The following USP7 variants were observed in gnomAD, a reference collection of about 807,000 sequenced individuals.
The protein encoded by USP7 is ubiquitin C-terminal hydrolase 7.
In USP7, 9 loss-of-function variants were observed where a neutral mutation model predicts 162.9. That is an observed-to-expected ratio of 0.06 (90% CI 0.03 to 0.10). The LOEUF is 0.10. USP7 is among the 10% of genes least tolerant of loss of function. The pLI is 1.00. For missense variants in USP7, 715 were observed against 1,373.7 expected, an observed-to-expected ratio of 0.52 and a Z score of 7.58; for synonymous variants, 562 against 475.9, an observed-to-expected ratio of 1.18 and a Z score of -2.35.
chr16:8,957,956 C>T (rs945350612), intron 1 of USP7, among the ~76,000 whole-genome samples: 6 of 152,126 alleles, frequency 3.9e-5, no homozygotes, highest in African/African-American at 1.4e-4. Flanking sequence ...TGAATGAGCA[C>T]CTATCAAAGC....
At chr16:8,930,998 T>C (rs1898298629) in intron 1 of USP7, among the ~76,000 whole-genome samples, 1 of 151,330 alleles carries the variant, frequency 6.6e-6, no homozygotes, top group Non-Finnish European at 1.5e-5. Flanking sequence ...AATCCTTAGG[T>C]AGTTCTTACT....
intron 2 of USP7, among the ~76,000 whole-genome samples, chr16:8,928,715 T>C (rs900001713): frequency 2.6e-5 from 4 of 152,172 alleles, no homozygotes; most frequent in Non-Finnish European, 4.4e-5. Context: ...TTACTCAACC[T>C]TCTCGGATTA....
intron 1 of USP7, among the ~76,000 whole-genome samples, chr16:8,937,013 C>G (rs1260951612): frequency 1.3e-5 from 2 of 152,054 alleles, no homozygotes; most frequent in Non-Finnish European, 2.9e-5. Flanking sequence ...TTCTGTACAT[C>G]TAGAATTACT....
intron 1 of USP7, among the ~76,000 whole-genome samples, chr16:8,945,871 C>A (rs1394558851): frequency 6.6e-6 from 1 of 151,296 alleles, no homozygotes; most frequent in African/African-American, 2.4e-5. Context: ...GGCAACATAG[C>A]GAGACCCCAC....
intron 10 of USP7, among the ~76,000 whole-genome samples, chr16:8,912,338 G>A (rs1022493473): frequency 6.6e-6 from 1 of 151,804 alleles, no homozygotes; most frequent in Non-Finnish European, 1.5e-5. Flanking sequence ...TGTAATCCCA[G>A]CTACTCAGGA....
chr16:8,923,503 T>C, intron 2 of USP7, 90 bp from the exon 3 acceptor site: 2 of 1,379,012 alleles, frequency 1.5e-6, no homozygotes, highest in Non-Finnish European at 9.9e-7. Flanking sequence ...GTTCTATACA[T>C]CCTGATTTAA....
At chr16:8,935,285 C>T (rs921729726) in intron 1 of USP7, among the ~76,000 whole-genome samples, 1 of 151,042 alleles carries the variant, frequency 6.6e-6, no homozygotes, top group African/African-American at 2.4e-5. Context: ...ACTGGAAACT[C>T]CTGGGTTAGA....
intron 8 of USP7, among the ~76,000 whole-genome samples, 169 bp downstream of exon 8, chr16:8,916,333 T>C (rs1897366593): frequency 1.3e-5 from 2 of 152,232 alleles, no homozygotes; most frequent in Non-Finnish European, 2.9e-5. Context: ...CAAGTAATTC[T>C]TACCAGCCTT....
intron 18 of USP7, 43 bp downstream of exon 18, chr16:8,902,039 C>T (rs764768299): frequency 2.1e-5 from 32 of 1,513,834 alleles, no homozygotes; most frequent in South Asian, 9.1e-5. Flanking sequence ...AGGAATCCAA[C>T]GCTACTGCTC....
At chr16:8,906,375 T>C in intron 13 of USP7, 51 bp downstream of exon 13, 4 of 1,585,316 alleles carry the variant, frequency 2.5e-6, no homozygotes, top group Non-Finnish European at 3.4e-6. Flanking sequence ...AAGCAGAGCT[T>C]GTGTTAACTT....
At chr16:8,954,432 CAT>C (rs989260920) in intron 1 of USP7, among the ~76,000 whole-genome samples, 2 of 152,210 alleles carry the variant, frequency 1.3e-5, no homozygotes, top group African/African-American at 2.4e-5. Flanking sequence ...TCAAACTCAT[CAT>C]ATGAGGCGTG....
intron 1 of USP7, among the ~76,000 whole-genome samples, chr16:8,940,338 G>A (rs933549587): frequency 1.3e-5 from 2 of 152,170 alleles, no homozygotes; most frequent in African/African-American, 2.4e-5. Flanking sequence ...CCAGAACACC[G>A]CCAAATGCTC....
Position 8,893,823 on chromosome 16 carries a change from A to T in USP7, c.*175T>A. The T allele has an allele frequency of 3.3e-6, 2 of 598,252 alleles. No homozygotes were observed. The highest frequency in any genetic ancestry group is 4.1e-5 in the South Asian group (2 of 49,156). The allele number at this position is 598,252 out of a possible 1,614,324, so 37.1% of individuals were successfully genotyped here. ...AAAAACATCTTCATTTTGCTCAAAA[A>T]GGGCAGTCAATAGATACAGAGAAGC... On this transcript the variant is annotated 3_prime_UTR_variant, in exon 31 of 31. Transcript: ENST00000344836.
At position 8,895,156 on chromosome 16, in the gene USP7, G is replaced by C. The variant is rs747177803; in HGVS notation, c.2920-6C>G. ...ACCTGGTCCAAAGGGATTTCCTGGGGACACGGACAACAGACACAGTTCTGT... is the reference window on the plus strand; with the variant it reads ...ACCTGGTCCAAAGGGATTTCCTGGGCACACGGACAACAGACACAGTTCTGT... On this transcript the variant is annotated splice_polypyrimidine_tract_variant and splice_region_variant and intron_variant, in intron 27 of 30. Coordinates refer to ENST00000344836, the MANE Select transcript of USP7 (RefSeq NM_003470.3). 8.1e-6 allele frequency: 13 copies of C among 1,614,210 alleles called. 1 individual carries two copies. The South Asian group carries it at 1.4e-4, about 18-fold the overall frequency.
chr16:8,901,839 C>G (rs1262365315), intron 18 of USP7: 11 of 533,696 alleles, frequency 2.1e-5, no homozygotes, highest in Non-Finnish European at 2.7e-5. Flanking sequence ...CACAGCACAG[C>G]AGCTGAGACT....
Position 8,903,396 on chromosome 16 carries a change from C to G in USP7, c.1711G>C (p.Ala571Pro). The part of the protein sequence containing the change: ...AHLYMQVQIV[A>P]EDQFCGHQGN... ...TGGTGGCCACAAAACTGGTCCTCTG[C>G]GACTATCTGAAAATATGTATGAAAG... is the stretch of plus-strand genomic sequence containing the variant. Residue 571 changes from alanine (A) to proline (P), a missense_variant, in exon 16 of 31, where the codon GCA becomes CCA. Around this residue, in one of 11 missense-constraint regions of USP7, gnomAD observed 197 missense variants for 306.5 expected, o/e 0.64. Transcript: ENST00000344836. The G allele has an allele frequency of 1.9e-6, 3 of 1,613,326 alleles. No individual in the cohort carries two copies. The highest frequency in any genetic ancestry group is 2.5e-6 in the Non-Finnish European group (3 of 1,179,512).
chr16:8,918,778 C>T (rs1897516979), intron 6 of USP7, among the ~76,000 whole-genome samples: 1 of 152,208 alleles, frequency 6.6e-6, no homozygotes, highest in African/African-American at 2.4e-5. Context: ...CATTGCACTC[C>T]AGCCTGGGCG....
chr16:8,897,726 A>AAAATATATATATAT (rs1555461671), intron 25 of USP7, among the ~76,000 whole-genome samples: 5 of 7,136 alleles, frequency 7.0e-4, no homozygotes, highest in African/African-American at 2.8e-3. Flanking sequence ...AAAAAAAAAA[A>AAAATATATATATAT]ATATATATAT....
intron 1 of USP7, among the ~76,000 whole-genome samples, chr16:8,942,618 G>C (rs1452920840): frequency 6.6e-6 from 1 of 152,276 alleles, no homozygotes; most frequent in Middle Eastern, 3.4e-3. Flanking sequence ...TGCCACCATG[G>C]CTCACTGCAG....
Sources: gnomAD v4.1 joint callset for allele counts (sites outside exome capture counted in the v4.1 genomes callset) on GRCh38, gnomAD v4.1.1 for gene constraint, gnomAD v4.1.1 regional missense constraint, MANE v1.5 for transcripts, NCBI Gene and HGNC (gene_info 2026-07-23, HGNC 2026-07-21) for gene names.